The following PRPF39 variants were observed in gnomAD, a reference collection of about 807,000 sequenced individuals.
PRPF39 encodes the protein pre-mRNA-processing factor 39.
Under a neutral mutation model 82.1 loss-of-function variants are expected in PRPF39, and 27 were observed. That is an observed-to-expected ratio of 0.33 (90% CI 0.24 to 0.45). PRPF39 has a LOEUF of 0.45. PRPF39 is among the 20% of genes least tolerant of loss of function. The pLI, the probability that PRPF39 is intolerant of heterozygous loss-of-function variation, is 1.00. For synonymous variants in PRPF39, 261 were observed against 256.4 expected (o/e 1.02, Z -0.17); for missense variants, 581 against 796.9 (o/e 0.73, Z 3.26).
At chr14:45,086,807 G>A (rs559361301) in intron 1 of PRPF39, among the ~76,000 whole-genome samples, 4 of 148,914 alleles carry the variant, frequency 2.7e-5, no homozygotes, top group African/African-American at 7.4e-5. Flanking sequence ...TTTAATATTC[G>A]AGTAATATTA....
chr14:45,085,797 A>G (rs142634074), intron 1 of PRPF39, among the ~76,000 whole-genome samples: 2 of 152,236 alleles, frequency 1.3e-5, no homozygotes, highest in East Asian at 1.9e-4. Context: ...GCTTATTGCA[A>G]AGCTACTTGT....
At chr14:45,094,468 A>G (rs923099712) in intron 1 of PRPF39, among the ~76,000 whole-genome samples, 3 of 152,084 alleles carry the variant, frequency 2.0e-5, no homozygotes, top group African/African-American at 4.8e-5. Context: ...AGCAGGGTCA[A>G]TGCTTACAGC....
At chr14:45,090,334 T>G (rs989829604) in intron 1 of PRPF39, among the ~76,000 whole-genome samples, 5 of 152,240 alleles carry the variant, frequency 3.3e-5, no homozygotes, top group Non-Finnish European at 1.5e-5. Flanking sequence ...TTTCTGGTAG[T>G]CTACTACTTT....
rs150132772 is a variant in PRPF39 at position 45,113,073 on chromosome 14, A to G, written c.1757+571A>G. On this transcript the variant is annotated intron_variant, in intron 11 of 13. Transcript: ENST00000355765. ...TTGGCTAGAGCATTGCTGAAGTTCCAGTCTTATCTGATTGTAGTAAGCAAA... is the reference window on the plus strand; with the variant it reads ...TTGGCTAGAGCATTGCTGAAGTTCCGGTCTTATCTGATTGTAGTAAGCAAA... 2.9e-3 allele frequency among the ~76,000 whole-genome samples: 447 copies of G among 152,368 alleles called. 2 individuals carry two copies. The highest frequency in any genetic ancestry group is 4.0e-3 in the Non-Finnish European group (274 of 68,030).
chr14:45,087,245 C>T (rs547904175), intron 1 of PRPF39, among the ~76,000 whole-genome samples: 7 of 151,934 alleles, frequency 4.6e-5, no homozygotes, highest in East Asian at 1.9e-4. Context: ...ACTACAGGTG[C>T]GTGCCACCAC....
At chr14:45,106,301 A>T (rs1233312447) in intron 5 of PRPF39, among the ~76,000 whole-genome samples, 4 of 152,178 alleles carry the variant, frequency 2.6e-5, no homozygotes, top group Admixed American at 2.6e-4. Context: ...GTGAGCCAAG[A>T]TAGAACGATT....
chr14:45,100,255 C>CA (rs1566694400), intron 4 of PRPF39, among the ~76,000 whole-genome samples: 5 of 150,014 alleles, frequency 3.3e-5, no homozygotes, highest in South Asian at 2.1e-4. Flanking sequence ...AACAAACAAA[C>CA]AAACAAAACA....
At chr14:45,109,518 CAT>C in intron 7 of PRPF39, 96 bp from the exon 8 acceptor site, 1 of 954,120 alleles carries the variant, frequency 1.0e-6, no homozygotes, top group South Asian at 3.5e-5. Flanking sequence ...AAATTTTAAT[CAT>C]CAATTATATT....
At chr14:45,096,027 A>T (rs751453021) in intron 2 of PRPF39, 76 bp from the exon 3 acceptor site, 3 of 1,289,220 alleles carry the variant, frequency 2.3e-6, no homozygotes, top group Non-Finnish European at 3.2e-6. Context: ...TTTAGATAAT[A>T]ACGTTTGAAA....
At position 45,110,762 on chromosome 14, in the gene PRPF39, A is replaced by G. The variant is rs1180064555; in HGVS notation, c.1517A>G (p.Gln506Arg). Residue 506 changes from glutamine to arginine, a missense_variant, in exon 10 of 14, where the codon CAG becomes CGG. By Grantham distance (43) the Gln-to-Arg change is conservative. Transcript: ENST00000355765. The surrounding 1 kb of genome is among the most constrained non-coding windows in gnomAD (Gnocchi z 4.0). ...CTAGCCCGGCATCTTTTCAAAATAC[A>G]GAAAAACCTTCCAAAATCAAGAAAG... is the stretch of plus-strand genomic sequence containing the variant. ...VKLARHLFKI[Q>R]KNLPKSRKVL... 4 of 1,555,066 alleles carry G rather than the reference A, an allele frequency of 2.6e-6. No individual in the cohort carries two copies. Among genetic ancestry groups the G allele is most frequent in the Non-Finnish European group, 3.5e-6 (4 of 1,148,484 alleles).
At chr14:45,085,131 CTT>C (rs1337209808) in intron 1 of PRPF39, among the ~76,000 whole-genome samples, 1 of 152,148 alleles carries the variant, frequency 6.6e-6, no homozygotes, top group African/African-American at 2.4e-5. Context: ...CATGTTGAAA[CTT>C]AAGTGTTTTA....
intron 10 of PRPF39, among the ~76,000 whole-genome samples, chr14:45,111,698 G>T (rs1884704550): frequency 7.4e-6 from 1 of 135,810 alleles, no homozygotes. Context: ...GAGTGCAGTA[G>T]CGTGATCTCA....
At chr14:45,103,065 T>A (rs966870465) in intron 5 of PRPF39, among the ~76,000 whole-genome samples, 3 of 151,900 alleles carry the variant, frequency 2.0e-5, no homozygotes, top group Non-Finnish European at 4.4e-5. Context: ...TAGATGCTTA[T>A]TTTTTTTGAA....
Position 45,112,507 on chromosome 14 carries a change from G to A in PRPF39, c.1757+5G>A. ...TTTTGGTTCCGATGTTAATAAGTAA[G>A]ATATTAGTTATATTACCTATTTGAA... On this transcript the variant is annotated splice_donor_5th_base_variant and intron_variant, in intron 11 of 13. Coordinates refer to ENST00000355765, the MANE Select transcript of PRPF39 (RefSeq NM_017922.4). 6.8e-7 allele frequency: 1 copy of A among 1,475,438 alleles called. No individual in the cohort carries two copies. Among genetic ancestry groups the A allele is most frequent in the Non-Finnish European group, 8.9e-7 (1 of 1,119,722 alleles). 91.4% of individuals were successfully genotyped at this position (1,475,438 alleles called of 1,614,324 possible).
chr14:45,105,571 G>A (rs1884503124), intron 5 of PRPF39, among the ~76,000 whole-genome samples: 1 of 146,730 alleles, frequency 6.8e-6, no homozygotes, highest in South Asian at 2.1e-4. Context: ...CTGTTGCCCA[G>A]GCTGGATTGC....
intron 1 of PRPF39, among the ~76,000 whole-genome samples, chr14:45,086,024 A>G (rs1594720638): frequency 1.3e-5 from 2 of 151,604 alleles, no homozygotes; most frequent in African/African-American, 4.8e-5. Context: ...GCTCACCGCA[A>G]CCTCCGCCTC....
intron 5 of PRPF39, among the ~76,000 whole-genome samples, chr14:45,105,524 AC>A (rs990942287): frequency 7.0e-6 from 1 of 143,110 alleles, no homozygotes; most frequent in Non-Finnish European, 1.5e-5. Flanking sequence ...TTATTTATAT[AC>A]TTTTTTTTTT....
chr14:45,105,699 G>C (rs950605510), intron 5 of PRPF39, among the ~76,000 whole-genome samples: 4 of 151,600 alleles, frequency 2.6e-5, no homozygotes, highest in African/African-American at 9.7e-5. Flanking sequence ...GCTAATTTTT[G>C]TATTTTTGGT....
chr14:45,111,048 G>T (rs1884681421), intron 10 of PRPF39: 1 of 483,654 alleles, frequency 2.1e-6, no homozygotes, highest in African/African-American at 1.9e-5. Flanking sequence ...TGTAGACATT[G>T]TGATACTTTA....
Sources: allele counts gnomAD v4.1 joint callset (sites outside exome capture counted in the v4.1 genomes callset), GRCh38; gene constraint gnomAD v4.1.1; non-coding constraint Gnocchi (gnomAD v3.1); transcripts MANE v1.5; gene names NCBI Gene and HGNC (gene_info 2026-07-23, HGNC 2026-07-21).